STRBP: variants seen among roughly 807,000 people sequenced by gnomAD.
STRBP encodes the protein spermatid perinuclear RNA-binding protein.
A neutral mutation model predicts 80.1 loss-of-function variants in STRBP; 13 were observed. The observed-to-expected ratio is 0.16, with a 90% confidence interval of 0.11 to 0.26. The LOEUF (loss-of-function observed/expected upper bound fraction) is 0.26, where lower values mean the gene tolerates loss of function less well. Among genes scored for constraint, STRBP ranks in the 10% least tolerant of loss-of-function variants. The pLI is 1.00. For synonymous variants in STRBP, 284 were observed against 291.2 expected (o/e 0.98, Z 0.25); for missense variants, 485 against 815.2 (o/e 0.59, Z 4.93).
At chr9:123,119,488 G>A (rs757260338), downstream of STRBP, among the ~76,000 whole-genome samples, 4 of 150,544 alleles carry the variant, frequency 2.7e-5, no homozygotes, top group Non-Finnish European at 5.9e-5. Flanking sequence ...CTTAAGCTTG[G>A]ATCTGCAGCA....
At chr9:123,200,522 C>T (rs1402437317) in intron 2 of STRBP, among the ~76,000 whole-genome samples, 1 of 150,522 alleles carries the variant, frequency 6.6e-6, no homozygotes, top group Non-Finnish European at 1.5e-5. Flanking sequence ...TAGAATTCAG[C>T]TGTGAATTCA....
At chr9:123,232,091 C>G (rs183795859) in intron 2 of STRBP, among the ~76,000 whole-genome samples, 134 of 152,278 alleles carry the variant, frequency 8.8e-4, no homozygotes, top group African/African-American at 3.0e-3. Flanking sequence ...GCAGGTGGAT[C>G]ACTTGAGGTC....
At chr9:123,266,479 CCT>C (rs1208806060) in intron 1 of STRBP, among the ~76,000 whole-genome samples, 3 of 151,622 alleles carry the variant, frequency 2.0e-5, no homozygotes, top group Non-Finnish European at 4.4e-5. Context: ...GGAATTTAAT[CCT>C]CTCCATTTAG....
chr9:123,140,501 G>A (rs1216983990), intron 13 of STRBP, among the ~76,000 whole-genome samples: 6 of 152,114 alleles, frequency 3.9e-5, no homozygotes, highest in Non-Finnish European at 1.5e-5. Flanking sequence ...TGTTAAGGCT[G>A]GAGAATTGCT....
At chr9:123,189,326 G>A (rs1219515360) in intron 2 of STRBP, among the ~76,000 whole-genome samples, 1 of 141,654 alleles carries the variant, frequency 7.1e-6, no homozygotes, top group Non-Finnish European at 1.5e-5. Context: ...GGGGGAGGGT[G>A]GGGAGGGATA....
intron 14 of STRBP, among the ~76,000 whole-genome samples, chr9:123,137,405 T>G (rs1188092008): frequency 6.6e-6 from 1 of 150,768 alleles, no homozygotes; most frequent in Non-Finnish European, 1.5e-5. Flanking sequence ...TTTGTTTTTT[T>G]TGTTTGTTGT....
downstream of STRBP, among the ~76,000 whole-genome samples, chr9:123,117,020 A>C (rs1312272972): frequency 1.3e-5 from 2 of 152,104 alleles, no homozygotes; most frequent in Non-Finnish European, 1.5e-5. Context: ...TGTGGTTTGG[A>C]GAGATCTCTG....
intron 1 of STRBP, among the ~76,000 whole-genome samples, chr9:123,238,014 T>A (rs2132597920): frequency 6.6e-6 from 1 of 152,366 alleles, no homozygotes; most frequent in East Asian, 1.9e-4. Context: ...TTAACCTTTC[T>A]GTCTCTGTAA....
At chr9:123,204,368 G>A (rs1467807426) in intron 2 of STRBP, among the ~76,000 whole-genome samples, 3 of 152,160 alleles carry the variant, frequency 2.0e-5, no homozygotes, top group Admixed American at 6.5e-5. Flanking sequence ...TCACATCACT[G>A]TCTCCACAAA....
At chr9:123,191,223 T>C (rs760752773) in intron 2 of STRBP, among the ~76,000 whole-genome samples, 14 of 152,222 alleles carry the variant, frequency 9.2e-5, no homozygotes, top group South Asian at 2.1e-4. Context: ...TTTTAACAGA[T>C]AGTCAAGGGT....
chr9:123,155,087 C>T (rs140157034), intron 11 of STRBP, among the ~76,000 whole-genome samples: 4 of 152,112 alleles, frequency 2.6e-5, no homozygotes, highest in Non-Finnish European at 5.9e-5. Context: ...TCTTAAGAGG[C>T]GAGGCATTTT....
At chr9:123,258,618 A>ATG (rs2041088541) in intron 1 of STRBP, among the ~76,000 whole-genome samples, 2 of 152,128 alleles carry the variant, frequency 1.3e-5, no homozygotes, top group South Asian at 4.1e-4. Flanking sequence ...CCTGGCTAAC[A>ATG]CAGTGAAACC....
At chr9:123,173,292 T>G (rs1435059599) in intron 5 of STRBP, among the ~76,000 whole-genome samples, 1 of 152,258 alleles carries the variant, frequency 6.6e-6, no homozygotes, top group Non-Finnish European at 1.5e-5. Context: ...AGTCTCTCGT[T>G]GATAAGAAAG....
rs145188829 is a variant in STRBP, at chr9:123,184,256, G to T, written c.-122C>A. On this transcript the variant is annotated 5_prime_UTR_variant, in exon 3 of 19. Coordinates refer to ENST00000348403, the MANE Select transcript of STRBP (RefSeq NM_018387.5). ...AGCCTGAGTCCCCTGACAGCTCAGC[G>T]TCAATATAGCAAATGTCTGAAGGCT... 4 of 884,186 alleles carry T rather than the reference G, an allele frequency of 4.5e-6. No individual in the cohort carries two copies. The highest frequency in any genetic ancestry group is 6.9e-6 in the Non-Finnish European group (4 of 577,568). The allele number at this position is 884,186 out of a possible 1,614,324, so 54.8% of individuals were successfully genotyped here. A position where few individuals can be genotyped will look rare whatever the true frequency, so the allele number is the denominator to read the frequency against.
chr9:123,154,049 C>T (rs1432312282), intron 11 of STRBP, among the ~76,000 whole-genome samples: 1 of 152,116 alleles, frequency 6.6e-6, no homozygotes, highest in Non-Finnish European at 1.5e-5. Flanking sequence ...TTTGAGGATA[C>T]AGGGCAACAG....
At chr9:123,197,098 TG>T (rs2039119301) in intron 2 of STRBP, among the ~76,000 whole-genome samples, 1 of 152,070 alleles carries the variant, frequency 6.6e-6, no homozygotes, top group Non-Finnish European at 1.5e-5. Context: ...ACAACATGGA[TG>T]GAACTGGAAG....
rs1029821650 is a variant in STRBP at position 123,147,127 on chromosome 9, T to TA, written c.1139-74dup. The TA allele has an allele frequency of 2.2e-6, 3 of 1,384,252 alleles. No individual in the cohort carries two copies. The African/African-American group carries it at 4.3e-5, about 20-fold the overall frequency. The allele number at this position is 1,384,252 out of a possible 1,614,324, so 85.7% of individuals were successfully genotyped here. A position where few individuals can be genotyped will look rare whatever the true frequency, so the allele number is the denominator to read the frequency against. Reference sequence around the variant, plus strand: ...TTGCTTTATGCGTTTTTGGGGTTCCTAGTAACTACTGTAAATTCACCAAAA... The same window carrying TA: ...TTGCTTTATGCGTTTTTGGGGTTCCTAAGTAACTACTGTAAATTCACCAAAA... On this transcript the variant is annotated intron_variant, in intron 12 of 18. Transcript: ENST00000348403.
chr9:123,172,840 A>T lies in STRBP; in HGVS notation c.390+837T>A, dbSNP rs190929743. On this transcript the variant is annotated intron_variant, in intron 5 of 18. Transcript: ENST00000348403. ...AAGATATACAAATAAAAGAAACTAA[A>T]TTTTAAAAAGTGAGTGGTGGTGGGG... is the stretch of plus-strand genomic sequence containing the variant. Among the ~76,000 whole-genome samples the T allele has an allele frequency of 2.2e-3, 338 of 152,340 alleles. 3 individuals carry two copies. The highest frequency in any genetic ancestry group is 0.014 in the South Asian group (70 of 4,830).
intron 2 of STRBP, among the ~76,000 whole-genome samples, chr9:123,206,788 G>A (rs560954125): frequency 1.3e-5 from 2 of 152,076 alleles, no homozygotes; most frequent in South Asian, 2.1e-4. Flanking sequence ...ACAGGCACCC[G>A]CCACCACGCT....
Sources: allele counts gnomAD v4.1 joint callset (sites outside exome capture counted in the v4.1 genomes callset), GRCh38; gene constraint gnomAD v4.1.1; transcripts MANE v1.5; gene names NCBI Gene and HGNC (gene_info 2026-07-23, HGNC 2026-07-21).